Variants in MPPED2 observed in about 807,000 individuals in gnomAD.
MPPED2 encodes metallophosphoesterase domain containing 2, also known as metallophosphoesterase MPPED2.
A neutral mutation model predicts 33.0 loss-of-function variants in MPPED2; 5 were observed. The ratio of observed to expected loss-of-function variants is 0.15; its 90% confidence interval spans 0.08 to 0.32. The LOEUF is 0.32. Ranked by LOEUF, MPPED2 falls within the 10% of genes least tolerant of loss-of-function variation. The pLI, the probability that MPPED2 is intolerant of heterozygous loss-of-function variation, is 1.00. For synonymous variants in MPPED2, 136 were observed against 141.9 expected (o/e 0.96, Z 0.29); for missense variants, 275 against 372.1 (o/e 0.74, Z 2.15).
intron 2 of MPPED2, among the ~76,000 whole-genome samples, chr11:30,569,991 C>T (rs1956620837): frequency 6.6e-6 from 1 of 152,144 alleles, no homozygotes; most frequent in South Asian, 2.1e-4. Flanking sequence ...TTCCCTCCTA[C>T]TTTTTCCCTC....
At chr11:30,446,340 T>C (rs1476543218) in intron 4 of MPPED2, among the ~76,000 whole-genome samples, 4 of 152,226 alleles carry the variant, frequency 2.6e-5, no homozygotes, top group Admixed American at 1.3e-4. Context: ...CAAGCTCTGC[T>C]AAGAATTCAC....
intron 5 of MPPED2, among the ~76,000 whole-genome samples, chr11:30,414,828 T>C (rs1407688736): frequency 6.6e-6 from 1 of 152,190 alleles, no homozygotes; most frequent in African/African-American, 2.4e-5. Flanking sequence ...CCCCTTGTGG[T>C]TCCGGATGAC....
At chr11:30,444,745 T>A (rs2133916952) in intron 4 of MPPED2, among the ~76,000 whole-genome samples, 1 of 152,340 alleles carries the variant, frequency 6.6e-6, no homozygotes, top group Non-Finnish European at 1.5e-5. Flanking sequence ...CCCACTTGTT[T>A]AATTTCTTCT....
chr11:30,447,619 T>C (rs764876163), intron 4 of MPPED2, among the ~76,000 whole-genome samples: 1 of 152,082 alleles, frequency 6.6e-6, no homozygotes, highest in African/African-American at 2.4e-5. Context: ...TCGCTGGATA[T>C]TGATAGCTGA....
intron 3 of MPPED2, among the ~76,000 whole-genome samples, chr11:30,520,026 T>A (rs1172349425): frequency 2.0e-5 from 3 of 152,148 alleles, no homozygotes; most frequent in Non-Finnish European, 1.5e-5. Flanking sequence ...CACAGGCAAG[T>A]ACAGTCTCTT....
intron 2 of MPPED2, among the ~76,000 whole-genome samples, chr11:30,567,988 C>T (rs754721919): frequency 2.0e-5 from 3 of 151,968 alleles, no homozygotes; most frequent in Admixed American, 6.6e-5. Flanking sequence ...CTTAAAGGCA[C>T]GAAAAAACTT....
chr11:30,412,351 T>C (rs1334322210), intron 6 of MPPED2, among the ~76,000 whole-genome samples: 3 of 151,846 alleles, frequency 2.0e-5, no homozygotes, highest in Non-Finnish European at 4.4e-5. Context: ...TTGATAATTT[T>C]CAATATGATA....
At chr11:30,511,854 G>A (rs988807843) in intron 3 of MPPED2, among the ~76,000 whole-genome samples, 3 of 152,142 alleles carry the variant, frequency 2.0e-5, no homozygotes, top group African/African-American at 7.2e-5. Context: ...TAATGTTGAA[G>A]CAACTTTGCG....
At chr11:30,540,682 C>A (rs1009049301) in intron 2 of MPPED2, among the ~76,000 whole-genome samples, 3 of 152,128 alleles carry the variant, frequency 2.0e-5, no homozygotes, top group African/African-American at 7.2e-5. Context: ...ATACACAACA[C>A]CCAGCATATA....
chr11:30,410,869 C>T lies in MPPED2; in HGVS notation c.*599G>A. 2 of 985,660 alleles carry T rather than the reference C, an allele frequency of 2.0e-6. No homozygotes were observed. The highest frequency in any genetic ancestry group is 2.4e-6 in the Non-Finnish European group (2 of 829,874). The allele number at this position is 985,660 out of a possible 1,614,324, so 61.1% of individuals were successfully genotyped here. A position where few individuals can be genotyped will look rare whatever the true frequency, so the allele number is the denominator to read the frequency against. On this transcript the variant is annotated 3_prime_UTR_variant, in exon 7 of 7. Transcript: ENST00000358117. ...GACCTTGTATAACCACAATAGGAAT[C>T]TCACTAGTTAAACCATCCTTTAAAT...
intron 3 of MPPED2, among the ~76,000 whole-genome samples, chr11:30,523,873 G>A (rs1397003287): frequency 6.6e-6 from 1 of 152,128 alleles, no homozygotes; most frequent in African/African-American, 2.4e-5. Context: ...CATTTGAGCA[G>A]AAATTGACAG....
chr11:30,546,579 G>C (rs1235983330), intron 2 of MPPED2, among the ~76,000 whole-genome samples: 1 of 152,136 alleles, frequency 6.6e-6, no homozygotes, highest in Non-Finnish European at 1.5e-5. Flanking sequence ...GGAAGTGCAG[G>C]TGACTTCATA....
At chr11:30,494,845 T>C (rs558947040) in intron 4 of MPPED2, among the ~76,000 whole-genome samples, 72 of 152,126 alleles carry the variant, frequency 4.7e-4, no homozygotes, top group African/African-American at 1.6e-3. Context: ...TTTTTGTCAT[T>C]AATCCTTAAA....
At chr11:30,428,154 A>C (rs750689826) in intron 4 of MPPED2, among the ~76,000 whole-genome samples, 1 of 152,164 alleles carries the variant, frequency 6.6e-6, no homozygotes, top group Non-Finnish European at 1.5e-5. Context: ...GAAGTCTTAA[A>C]TTCATTCATG....
At chr11:30,528,589 G>A (rs1161699541) in intron 3 of MPPED2, among the ~76,000 whole-genome samples, 2 of 152,100 alleles carry the variant, frequency 1.3e-5, no homozygotes, top group Non-Finnish European at 2.9e-5. Flanking sequence ...ATGAACATGT[G>A]AGCTTTCATA....
chr11:30,460,325 C>T (rs1335776941), intron 4 of MPPED2, among the ~76,000 whole-genome samples: 1 of 152,162 alleles, frequency 6.6e-6, no homozygotes, highest in Non-Finnish European at 1.5e-5. Flanking sequence ...AAAACCTTTA[C>T]TGACAAGAAT....
intron 4 of MPPED2, among the ~76,000 whole-genome samples, chr11:30,483,057 A>G (rs1951561961): frequency 6.6e-6 from 1 of 152,194 alleles, no homozygotes; most frequent in Admixed American, 6.5e-5. Flanking sequence ...CTCGTCTCTC[A>G]TGGGCCTGCC....
intron 6 of MPPED2, among the ~76,000 whole-genome samples, chr11:30,399,563 T>G (rs1947882761): frequency 1.3e-5 from 2 of 152,208 alleles, no homozygotes; most frequent in African/African-American, 4.8e-5. Flanking sequence ...GCATTTATCT[T>G]CAGAATTATT....
chr11:30,553,746 T>A (rs543879382), intron 2 of MPPED2, among the ~76,000 whole-genome samples: 1 of 152,266 alleles, frequency 6.6e-6, no homozygotes, highest in East Asian at 1.9e-4. Flanking sequence ...GCGGGAGGGA[T>A]AAGCAGCCAC....
Sources: gnomAD v4.1 joint callset for allele counts (sites outside exome capture counted in the v4.1 genomes callset) on GRCh38, gnomAD v4.1.1 for gene constraint, MANE v1.5 for transcripts, NCBI Gene and HGNC (gene_info 2026-07-23, HGNC 2026-07-21) for gene names.